Variants in BCR observed in about 807,000 individuals in gnomAD.
The protein encoded by BCR is breakpoint cluster region protein.
In BCR, 58 loss-of-function variants were observed where a neutral mutation model predicts 138.6. That is an observed-to-expected ratio of 0.42 (90% CI 0.34 to 0.52). The LOEUF (loss-of-function observed/expected upper bound fraction) is 0.52. BCR is among the 20% of genes least tolerant of loss of function. The pLI, the probability that BCR is intolerant of heterozygous loss-of-function variation, is 0.06. For missense variants in BCR, 1,599 were observed against 1,727.2 expected (o/e 0.93, Z 1.32); for synonymous variants, 786 against 730.1 (o/e 1.08, Z -1.23).
rs181444870 is a variant in BCR, at chr22:23,269,714, T to A, written c.1860+1199T>A. ...GCCTCCCTCTGGACCATTCAATCTG[T>A]TCTCTTTTCCTTTTTCATTAAATGA... is the stretch of plus-strand genomic sequence containing the variant. On this transcript the variant is annotated intron_variant, in intron 5 of 22. Transcript: ENST00000305877. Among the ~76,000 whole-genome samples the A allele has an allele frequency of 3.3e-5, 5 of 152,290 alleles. No individual in the cohort carries two copies. The East Asian group carries it at 9.7e-4, about 29-fold the overall frequency.
At chr22:23,285,496 C>T (rs1363541389) in intron 10 of BCR, among the ~76,000 whole-genome samples, 1 of 152,226 alleles carries the variant, frequency 6.6e-6, no homozygotes, top group Non-Finnish European at 1.5e-5. Context: ...TCACGGGATA[C>T]TTCTTAGACC....
At position 23,287,197 on chromosome 22, in the gene BCR, G is replaced by A; in HGVS notation, c.2445G>A (p.Lys815=). ...GCAGCAAGGCTACGGAGAGGCTGAA[G>A]AAGAAGCTGTCGGAGCAGGAGTCAC... ...NKGSKATERL[K]KKLSEQESLL... is the part of the protein sequence containing the mutation. Residue 815 remains lysine (K), a synonymous_variant, in exon 11 of 23, where the codon AAG becomes AAA. Coordinates refer to ENST00000305877, the MANE Select transcript of BCR (RefSeq NM_004327.4). The A allele has an allele frequency of 6.4e-7, 1 of 1,572,740 alleles. No homozygotes were observed. The highest frequency in any genetic ancestry group is 8.6e-7 in the Non-Finnish European group (1 of 1,158,282).
intron 1 of BCR, among the ~76,000 whole-genome samples, chr22:23,187,491 C>T (rs1601991551): frequency 6.8e-6 from 1 of 147,346 alleles, no homozygotes; most frequent in African/African-American, 2.6e-5. Context: ...CTCTTTCTCT[C>T]TCTCTCTCTT....
At chr22:23,199,971 C>A (rs2072532389) in intron 1 of BCR, among the ~76,000 whole-genome samples, 1 of 151,940 alleles carries the variant, frequency 6.6e-6, no homozygotes, top group Non-Finnish European at 1.5e-5. Context: ...GCCTGTAGTC[C>A]CAGCCACTCA....
At chr22:23,197,139 T>C (rs1311746380) in intron 1 of BCR, among the ~76,000 whole-genome samples, 1 of 152,262 alleles carries the variant, frequency 6.6e-6, no homozygotes, top group Non-Finnish European at 1.5e-5. Flanking sequence ...GTTTTTACTG[T>C]ACCTTTTCTA....
At chr22:23,215,307 T>C (rs1250895157) in intron 1 of BCR, among the ~76,000 whole-genome samples, 1 of 152,232 alleles carries the variant, frequency 6.6e-6, no homozygotes, top group Non-Finnish European at 1.5e-5. Flanking sequence ...ATGCTTTTAC[T>C]CTTGACCCCT....
chr22:23,246,358 G>A (rs557317163), intron 1 of BCR, among the ~76,000 whole-genome samples: 1 of 152,340 alleles, frequency 6.6e-6, no homozygotes, highest in South Asian at 2.1e-4. Flanking sequence ...CGTGAGCCCA[G>A]GAGTTCGAGA....
intron 1 of BCR, among the ~76,000 whole-genome samples, chr22:23,238,648 C>G (rs1449610498): frequency 1.3e-5 from 2 of 152,122 alleles, no homozygotes; most frequent in African/African-American, 4.8e-5. Flanking sequence ...GTTGCCATTT[C>G]TGCATGTTGT....
intron 2 of BCR, among the ~76,000 whole-genome samples, chr22:23,256,309 C>G (rs1167436647): frequency 6.6e-6 from 1 of 152,082 alleles, no homozygotes; most frequent in African/African-American, 2.4e-5. Flanking sequence ...TGTCAGTGGA[C>G]TCCTGTGGCA....
intron 16 of BCR, among the ~76,000 whole-genome samples, chr22:23,308,273 T>C (rs1366161973): frequency 2.0e-5 from 3 of 152,228 alleles, no homozygotes; most frequent in Non-Finnish European, 4.4e-5. Context: ...GAGTCAGTTC[T>C]CTGCAGGTGG....
intron 16 of BCR, among the ~76,000 whole-genome samples, chr22:23,296,117 G>A (rs1379442077): frequency 6.6e-6 from 1 of 151,702 alleles, no homozygotes; most frequent in African/African-American, 2.4e-5. Context: ...GCTCACGCCT[G>A]TAATCCCAGC....
intron 16 of BCR, among the ~76,000 whole-genome samples, chr22:23,308,840 T>A (rs1602131490): frequency 6.6e-6 from 1 of 151,898 alleles, no homozygotes; most frequent in Non-Finnish European, 1.5e-5. Context: ...TAGTGCCGGG[T>A]GGGGGTAGAA....
intron 1 of BCR, among the ~76,000 whole-genome samples, chr22:23,231,732 G>T (rs568122634): frequency 6.6e-6 from 1 of 152,240 alleles, no homozygotes; most frequent in Admixed American, 6.5e-5. Flanking sequence ...GGATACTTGG[G>T]CACCATCTGG....
intron 1 of BCR, among the ~76,000 whole-genome samples, chr22:23,236,463 A>T (rs1333630944): frequency 6.6e-6 from 1 of 152,178 alleles, no homozygotes; most frequent in Non-Finnish European, 1.5e-5. Flanking sequence ...CAACTTTCTG[A>T]ACATCCCAGG....
In BCR at chr22:23,239,570, C is replaced by T. The variant is rs556591138; in HGVS notation, c.1280-14229C>T. Among the ~76,000 whole-genome samples, 3 of 152,286 alleles carry T rather than the reference C, an allele frequency of 2.0e-5. No individual in the cohort carries two copies. The East Asian group carries it at 5.8e-4, about 29-fold the overall frequency. The stretch of plus-strand genomic sequence containing the variant: ...GTTGTGGGCACTCCTGGCATGTGGG[C>T]AGCTCCTCAGTGCTGGTGTCTGAGC... On this transcript the variant is annotated intron_variant, in intron 1 of 22. Coordinates refer to ENST00000305877, the MANE Select transcript of BCR (RefSeq NM_004327.4).
intron 14 of BCR, among the ~76,000 whole-genome samples, chr22:23,292,177 C>T (rs1233292651): frequency 6.6e-6 from 1 of 152,186 alleles, no homozygotes; most frequent in East Asian, 1.9e-4. Context: ...GGATGGCTGC[C>T]CTCTGCTGTG....
At chr22:23,271,700 G>A in intron 6 of BCR, 108 bp downstream of exon 6, 15 of 1,071,442 alleles carry the variant, frequency 1.4e-5, no homozygotes, top group Non-Finnish European at 2.1e-5. Context: ...GTCATCCCTT[G>A]GTGCCTTCCC....
chr22:23,280,291 C>A (rs2073629005), intron 8 of BCR, among the ~76,000 whole-genome samples: 1 of 152,206 alleles, frequency 6.6e-6, no homozygotes, highest in Non-Finnish European at 1.5e-5. Context: ...GGGGAAGTCC[C>A]CTTAGCAAGG....
intron 8 of BCR, 85 bp from the exon 9 acceptor site, chr22:23,283,892 C>T: frequency 2.1e-6 from 3 of 1,449,472 alleles, no homozygotes; most frequent in South Asian, 1.4e-5. Context: ...CTGGGTCAAC[C>T]TGCTCCTGCT....
Sources: gnomAD v4.1 joint callset for allele counts (sites outside exome capture counted in the v4.1 genomes callset) on GRCh38, gnomAD v4.1.1 for gene constraint, MANE v1.5 for transcripts, NCBI Gene and HGNC (gene_info 2026-07-23, HGNC 2026-07-21) for gene names.